The following KCNC2 variants were observed in gnomAD, a reference collection of about 807,000 sequenced individuals.
KCNC2 encodes the protein voltage-gated potassium channel KCNC2.
A neutral mutation model predicts 44.5 loss-of-function variants in KCNC2; 21 were observed. That is an observed-to-expected ratio of 0.47 (90% CI 0.33 to 0.68). The LOEUF (loss-of-function observed/expected upper bound fraction) is 0.68. KCNC2 is among the 30% of genes least tolerant of loss of function. The pLI is 0.01. For synonymous variants in KCNC2, 391 were observed against 339.1 expected (o/e 1.15, Z -1.68); for missense variants, 589 against 826.2 (o/e 0.71, Z 3.52).
chr12:75,061,612 CAA>C (rs1424844569), intron 2 of KCNC2, among the ~76,000 whole-genome samples: 2 of 115,954 alleles, frequency 1.7e-5, no homozygotes, highest in South Asian at 5.6e-4. Flanking sequence ...CACACACACA[CAA>C]AACACAGAAA....
chr12:75,194,762 G>A (rs1276882417), intron 2 of KCNC2, among the ~76,000 whole-genome samples: 7 of 152,114 alleles, frequency 4.6e-5, no homozygotes, highest in Non-Finnish European at 7.4e-5. Flanking sequence ...ATGACTAGGA[G>A]CATAGGTAGT....
At chr12:75,080,249 A>G (rs1352143029) in intron 2 of KCNC2, among the ~76,000 whole-genome samples, 1 of 150,218 alleles carries the variant, frequency 6.7e-6, no homozygotes, top group Non-Finnish European at 1.5e-5. Flanking sequence ...TGCTAAGAGA[A>G]ATAGGTGCAC....
chr12:75,138,487 C>A (rs948659713), intron 2 of KCNC2, among the ~76,000 whole-genome samples: 20 of 151,778 alleles, frequency 1.3e-4, no homozygotes, highest in South Asian at 6.3e-4. Context: ...TTCTGGACAC[C>A]CCAGGAAATT....
intron 3 of KCNC2, among the ~76,000 whole-genome samples, chr12:75,049,713 T>A (rs889653955): frequency 6.6e-6 from 1 of 152,044 alleles, no homozygotes; most frequent in Non-Finnish European, 1.5e-5. Context: ...CCAAAGCAGA[T>A]CATCTATTCC....
chr12:75,148,347 C>A (rs1890163907), intron 2 of KCNC2, among the ~76,000 whole-genome samples: 1 of 152,000 alleles, frequency 6.6e-6, no homozygotes, highest in South Asian at 2.1e-4. Flanking sequence ...GGAGCTGTGA[C>A]AACTATTCAT....
At chr12:75,170,902 C>T (rs997114665) in intron 2 of KCNC2, among the ~76,000 whole-genome samples, 10 of 151,686 alleles carry the variant, frequency 6.6e-5, no homozygotes, top group Admixed American at 1.3e-4. Context: ...CATTTGGGGG[C>T]GGGTGTACTC....
At chr12:75,198,083 G>A (rs1202020812) in intron 2 of KCNC2, among the ~76,000 whole-genome samples, 4 of 151,758 alleles carry the variant, frequency 2.6e-5, no homozygotes, top group Non-Finnish European at 5.9e-5. Context: ...TCCTGCTTTT[G>A]CATCAAGTCT....
chr12:75,135,716 T>G (rs1889178445), intron 2 of KCNC2, among the ~76,000 whole-genome samples: 1 of 152,034 alleles, frequency 6.6e-6, no homozygotes, highest in South Asian at 2.1e-4. Context: ...GTCATCGAAT[T>G]GGTGACTATT....
chr12:75,187,760 A>C (rs1893050687), intron 2 of KCNC2, among the ~76,000 whole-genome samples: 1 of 152,218 alleles, frequency 6.6e-6, no homozygotes, highest in Non-Finnish European at 1.5e-5. Context: ...CGACGACTAT[A>C]AATGAAAATT....
At chr12:75,117,952 T>C (rs1034716156) in intron 2 of KCNC2, among the ~76,000 whole-genome samples, 3 of 152,198 alleles carry the variant, frequency 2.0e-5, no homozygotes, top group Admixed American at 6.5e-5. Context: ...AACTCAGTCA[T>C]CCTGCATAGT....
At chr12:75,167,242 CTTTTT>C (rs1309866986) in intron 2 of KCNC2, among the ~76,000 whole-genome samples, 1 of 151,120 alleles carries the variant, frequency 6.6e-6, no homozygotes. Context: ...CTTTTACTTT[CTTTTT>C]TTATTATCTT....
Position 75,075,458 on chromosome 12 carries a change from C to CAT in KCNC2, c.688-24143_688-24142dup, listed in dbSNP as rs5799200. Among the ~76,000 whole-genome samples the CAT allele has an allele frequency of 3.6e-4, 53 of 145,594 alleles. 1 individual carries two copies. The highest frequency in any genetic ancestry group is 1.2e-3 in the African/African-American group (47 of 40,062). ...TTCTCAGGAGAGAAATATATATATA[C>CAT]ATATATATATATATATATATATATA... On this transcript the variant is annotated intron_variant, in intron 2 of 4. Coordinates refer to ENST00000549446, the MANE Select transcript of KCNC2 (RefSeq NM_139137.4).
chr12:75,098,932 A>G (rs932696203), intron 2 of KCNC2, among the ~76,000 whole-genome samples: 5 of 152,122 alleles, frequency 3.3e-5, no homozygotes, highest in African/African-American at 1.2e-4. Context: ...TTGCCCTCAG[A>G]GAACTTGGAA....
intron 2 of KCNC2, among the ~76,000 whole-genome samples, chr12:75,158,429 A>G (rs1890902236): frequency 6.6e-6 from 1 of 151,794 alleles, no homozygotes; most frequent in African/African-American, 2.4e-5. Flanking sequence ...GAGAGAAAAA[A>G]GAAAACAGCT....
chr12:75,179,580 T>C (rs1200561020), intron 2 of KCNC2, among the ~76,000 whole-genome samples: 2 of 151,414 alleles, frequency 1.3e-5, no homozygotes, highest in African/African-American at 2.4e-5. Context: ...AAAACAAAGT[T>C]ATAGAATGAA....
intron 2 of KCNC2, among the ~76,000 whole-genome samples, chr12:75,201,815 C>G (rs1033383498): frequency 6.6e-6 from 1 of 151,830 alleles, no homozygotes; most frequent in African/African-American, 2.4e-5. Context: ...ATATTTCAAC[C>G]AGAATTGAAT....
chr12:75,195,001 A>G (rs1408428805), intron 2 of KCNC2, among the ~76,000 whole-genome samples: 1 of 152,136 alleles, frequency 6.6e-6, no homozygotes, highest in African/African-American at 2.4e-5. Flanking sequence ...TTTTATGTAA[A>G]GCAATTTTCC....
At chr12:75,174,205 C>T (rs1327673780) in intron 2 of KCNC2, among the ~76,000 whole-genome samples, 4 of 150,584 alleles carry the variant, frequency 2.7e-5, no homozygotes, top group South Asian at 2.1e-4. Context: ...TTTTTTACAC[C>T]GTGTATTTTT....
intron 2 of KCNC2, among the ~76,000 whole-genome samples, chr12:75,057,377 T>C (rs575221123): frequency 8.9e-4 from 135 of 152,136 alleles, no homozygotes; most frequent in African/African-American, 3.0e-3. Context: ...GCCAATCAAG[T>C]AGGAACAAGT....
Sources: allele counts gnomAD v4.1 joint callset (sites outside exome capture counted in the v4.1 genomes callset), GRCh38; gene constraint gnomAD v4.1.1; transcripts MANE v1.5; gene names NCBI Gene and HGNC (gene_info 2026-07-23, HGNC 2026-07-21).